The following TRAPPC9 variants were observed in gnomAD, a reference collection of about 807,000 sequenced individuals.
The protein encoded by TRAPPC9 is trafficking protein particle complex subunit 9, also known as IKK2 binding protein.
TRAPPC9 carries 83 observed loss-of-function variants against 124.0 expected under a neutral mutation model. That is an observed-to-expected ratio of 0.67 (90% CI 0.56 to 0.80). The LOEUF is 0.80. Ranked by LOEUF, TRAPPC9 falls within the 30% of genes least tolerant of loss-of-function variation. TRAPPC9 has a pLI of 0.00. For synonymous variants in TRAPPC9, 638 were observed against 617.5 expected, an observed-to-expected ratio of 1.03 and a Z score of -0.49; for missense variants, 1,302 against 1,508.3, an observed-to-expected ratio of 0.86 and a Z score of 2.27.
intron 19 of TRAPPC9, among the ~76,000 whole-genome samples, chr8:139,970,110 C>A (rs1371002291): frequency 6.6e-6 from 1 of 152,230 alleles, no homozygotes; most frequent in African/African-American, 2.4e-5. Flanking sequence ...CCTCCTCCTC[C>A]TGCTCTTTCT....
intron 9 of TRAPPC9, among the ~76,000 whole-genome samples, chr8:140,333,580 G>A (rs946205869): frequency 6.6e-6 from 1 of 152,068 alleles, no homozygotes; most frequent in Non-Finnish European, 1.5e-5. Context: ...TAGTAAAGAC[G>A]GGATTTTGCA....
At chr8:140,295,440 G>C (rs937570234) in intron 11 of TRAPPC9, among the ~76,000 whole-genome samples, 2 of 152,216 alleles carry the variant, frequency 1.3e-5, no homozygotes, top group Non-Finnish European at 2.9e-5. Context: ...CCACCTGACA[G>C]CCACAGCCTC....
chr8:140,018,454 G>A (rs1039533060), intron 18 of TRAPPC9, among the ~76,000 whole-genome samples: 1 of 151,548 alleles, frequency 6.6e-6, no homozygotes, highest in Non-Finnish European at 1.5e-5. Context: ...TTCCCAAGTG[G>A]CTGGGACTAC....
intron 17 of TRAPPC9, among the ~76,000 whole-genome samples, chr8:140,031,374 C>T (rs547178029): frequency 5.3e-5 from 8 of 152,282 alleles, no homozygotes; most frequent in Admixed American, 2.6e-4. Context: ...ATTTTCCTAA[C>T]GTTCCACAAC....
At chr8:140,185,451 G>A (rs1344517307) in intron 17 of TRAPPC9, among the ~76,000 whole-genome samples, 9 of 152,194 alleles carry the variant, frequency 5.9e-5, no homozygotes, top group Admixed American at 3.9e-4. Context: ...TAACTGCCAC[G>A]CCCAGGCAAT....
At chr8:140,101,637 G>T (rs1482064780) in intron 17 of TRAPPC9, among the ~76,000 whole-genome samples, 3 of 147,452 alleles carry the variant, frequency 2.0e-5, no homozygotes, top group African/African-American at 7.6e-5. Context: ...CCGCCTCCTG[G>T]GTTCAAGCGA....
chr8:140,393,885 A>G (rs1223991387), intron 7 of TRAPPC9, among the ~76,000 whole-genome samples: 2 of 152,216 alleles, frequency 1.3e-5, no homozygotes, highest in Non-Finnish European at 2.9e-5. Context: ...ACAAACATGG[A>G]GATGAGTCAA....
intron 17 of TRAPPC9, among the ~76,000 whole-genome samples, chr8:140,144,591 C>T (rs574229613): frequency 3.9e-5 from 6 of 152,028 alleles, no homozygotes; most frequent in Non-Finnish European, 4.4e-5. Context: ...CAGGTTCAAG[C>T]GATTCTCCTG....
intron 15 of TRAPPC9, among the ~76,000 whole-genome samples, chr8:140,263,227 G>A (rs866735093): frequency 1.3e-5 from 2 of 152,134 alleles, no homozygotes; most frequent in African/African-American, 4.8e-5. Context: ...CAGAGAGGAC[G>A]ATCCCTCTGC....
At chr8:139,765,870 C>T (rs1421500092) in intron 21 of TRAPPC9, among the ~76,000 whole-genome samples, 1 of 152,200 alleles carries the variant, frequency 6.6e-6, no homozygotes, top group Non-Finnish European at 1.5e-5. Context: ...CACACTTCAT[C>T]CCCAGCCGGG....
rs536787964 is a variant in TRAPPC9 at position 139,731,216 on chromosome 8, C to A, written c.3292G>T (p.Gly1098Cys). Residue 1098 changes from glycine (G) to cysteine (C), a missense_variant, in exon 23 of 23, where the codon GGC (glycine) becomes TGC (cysteine). Around this residue, in one of 3 missense-constraint regions of TRAPPC9, gnomAD observed 640 missense variants for 679.3 expected, o/e 0.94. Transcript: ENST00000438773. ...AGGGCCCCGAGGCAGGCCGACTGGC[C>A]GGACGGCTGCACCTGAGCAGGGAGG... ...TFYLDAVQPS[G>C]QSACLGALLF... The A allele has an allele frequency of 3.1e-6, 5 of 1,613,300 alleles. No homozygotes were observed. Among genetic ancestry groups the A allele is most frequent in the Non-Finnish European group, 2.5e-6 (3 of 1,179,908 alleles).
At chr8:140,222,089 G>A (rs2063349467) in intron 16 of TRAPPC9, among the ~76,000 whole-genome samples, 1 of 152,102 alleles carries the variant, frequency 6.6e-6, no homozygotes, top group Non-Finnish European at 1.5e-5. Context: ...TTCCCTCTGC[G>A]TTTGGACCAC....
At chr8:140,360,331 C>A in intron 8 of TRAPPC9, 138 bp from the exon 9 acceptor site, 1 of 1,169,352 alleles carries the variant, frequency 8.6e-7, no homozygotes, top group Non-Finnish European at 1.2e-6. Context: ...AAAATATTTC[C>A]TCTGCTTTTA....
rs567050779 is a variant in TRAPPC9 at position 139,776,158 on chromosome 8, G to T, written c.3056-43956C>A. Among the ~76,000 whole-genome samples the T allele has an allele frequency of 6.6e-6, 1 of 152,314 alleles. No individual in the cohort carries two copies. The highest frequency in any genetic ancestry group is 2.1e-4 in the South Asian group (1 of 4,830). Reference sequence around the variant, plus strand: ...CCAGGACCACGTGCTAGTCATGGGGGCTTGGGACCCAGCCTCAGTCTCTGG... The same window carrying T: ...CCAGGACCACGTGCTAGTCATGGGGTCTTGGGACCCAGCCTCAGTCTCTGG... On this transcript the variant is annotated intron_variant, in intron 21 of 22. Coordinates refer to ENST00000438773, the MANE Select transcript of TRAPPC9 (RefSeq NM_001160372.4). This position sits in a 1 kb window ranked among gnomAD's most constrained non-coding sequence, Gnocchi z 4.1.
Position 139,788,685 on chromosome 8 carries a change from C to T in TRAPPC9, c.3056-56483G>A, listed in dbSNP as rs1052364758. On this transcript the variant is annotated intron_variant, in intron 21 of 22. Coordinates refer to ENST00000438773, the MANE Select transcript of TRAPPC9 (RefSeq NM_001160372.4). This position sits in a 1 kb window ranked among gnomAD's most constrained non-coding sequence, Gnocchi z 4.9. ...TCTCCCACCTCCCTCCTGACGGCCA[C>T]GCAGAGTCGAGTTACCATCACGCCT... 6.6e-6 allele frequency among the ~76,000 whole-genome samples: 1 copy of T among 152,210 alleles called. No homozygotes were observed. Among genetic ancestry groups the T allele is most frequent in the African/African-American group, 2.4e-5 (1 of 41,460 alleles).
chr8:140,267,913 G>A (rs912786053), intron 15 of TRAPPC9, among the ~76,000 whole-genome samples: 2 of 152,204 alleles, frequency 1.3e-5, no homozygotes, highest in African/African-American at 4.8e-5. Context: ...TGATCCACCT[G>A]CCTCGGCCTC....
chr8:140,350,924 C>T (rs991128821), intron 9 of TRAPPC9, among the ~76,000 whole-genome samples: 17 of 151,730 alleles, frequency 1.1e-4, no homozygotes, highest in East Asian at 2.0e-4. Flanking sequence ...GAGGGGTGTC[C>T]GGAGAATGAA....
chr8:139,787,490 G>A (rs971173938), intron 21 of TRAPPC9, among the ~76,000 whole-genome samples: 7 of 152,096 alleles, frequency 4.6e-5, no homozygotes, highest in African/African-American at 7.2e-5. Context: ...GTGGGAACCG[G>A]GCCTGCCTGG....
intron 6 of TRAPPC9, among the ~76,000 whole-genome samples, chr8:140,401,886 A>G (rs977106523): frequency 2.7e-5 from 4 of 150,048 alleles, no homozygotes; most frequent in African/African-American, 9.8e-5. Flanking sequence ...TCAGCCTCCC[A>G]AAGTGCTGGA....
Sources: allele counts gnomAD v4.1 joint callset (sites outside exome capture counted in the v4.1 genomes callset), GRCh38; gene constraint gnomAD v4.1.1; regional missense constraint gnomAD v4.1.1; non-coding constraint Gnocchi (gnomAD v3.1); transcripts MANE v1.5; gene names NCBI Gene and HGNC (gene_info 2026-07-23, HGNC 2026-07-21).